IFT88: variants seen among roughly 807,000 people sequenced by gnomAD.
IFT88 encodes intraflagellar transport 88, also known as intraflagellar transport protein 88 homolog.
A neutral mutation model predicts 119.5 loss-of-function variants in IFT88; 74 were observed. That is an observed-to-expected ratio of 0.62 (90% CI 0.51 to 0.75). The LOEUF (loss-of-function observed/expected upper bound fraction) is 0.75. Among genes scored for constraint, IFT88 ranks in the 30% least tolerant of loss-of-function variants. The pLI, the probability that IFT88 is intolerant of heterozygous loss-of-function variation, is 0.00. For synonymous variants in IFT88, 279 were observed against 316.7 expected (o/e 0.88, Z 1.26); for missense variants, 961 against 977.7 (o/e 0.98, Z 0.23).
chr13:20,674,237 T>C (rs1390439532), intron 24 of IFT88, among the ~76,000 whole-genome samples: 1 of 152,234 alleles, frequency 6.6e-6, no homozygotes, highest in African/African-American at 2.4e-5. Context: ...TTTCAAAGTC[T>C]TAATAGTTAA....
intron 7 of IFT88, 90 bp downstream of exon 7, chr13:20,592,494 A>C: frequency 2.1e-6 from 2 of 939,466 alleles, no homozygotes; most frequent in Non-Finnish European, 3.2e-6. Context: ...TTTTGAGATG[A>C]TATCTCACTC....
chr13:20,642,698 C>T (rs2050131853), intron 18 of IFT88: 1 of 151,984 alleles, frequency 6.6e-6, no homozygotes, highest in Admixed American at 6.6e-5. Context: ...CTGCCAGTGT[C>T]ATTATCTTTT....
rs534004222 is a variant in IFT88, at chr13:20,586,594, G to A, written c.154-3217G>A. ...GGTACAAGATGAATGAGGGAAGAGAGTGTAGGAGCTGCCCAATGCTAACAA... is the reference window on the plus strand; with the variant it reads ...GGTACAAGATGAATGAGGGAAGAGAATGTAGGAGCTGCCCAATGCTAACAA... On this transcript the variant is annotated intron_variant, in intron 3 of 25. Coordinates refer to ENST00000351808, the MANE Select transcript of IFT88 (RefSeq NM_006531.5). Among the ~76,000 whole-genome samples, 8 of 152,254 alleles carry A rather than the reference G, an allele frequency of 5.3e-5. No homozygotes were observed. The South Asian group carries it at 1.7e-3, about 32-fold the overall frequency.
At chr13:20,569,676 A>G (rs1001201097) in intron 1 of IFT88, among the ~76,000 whole-genome samples, 1 of 151,952 alleles carries the variant, frequency 6.6e-6, no homozygotes, top group South Asian at 2.1e-4. Flanking sequence ...TCATTTATAT[A>G]ATGTTTAGTA....
chr13:20,669,424 A>ATTTT (rs34389525), intron 23 of IFT88, among the ~76,000 whole-genome samples: 1 of 143,012 alleles, frequency 7.0e-6, no homozygotes, highest in Non-Finnish European at 1.5e-5. Context: ...TATTTTCAGC[A>ATTTT]TTTTTTTTTT....
In IFT88 at chr13:20,663,553, A is replaced by G; in HGVS notation, c.2124A>G (p.Glu708=). The G allele has an allele frequency of 6.2e-7, 1 of 1,614,018 alleles. No individual in the cohort carries two copies. The highest frequency in any genetic ancestry group is 8.5e-7 in the Non-Finnish European group (1 of 1,179,954). ...CTDLGLKDAQ[E]YARKLKRLEK... ...ATCTTGGATTAAAAGATGCTCAAGA[A>G]TATGCCAGAAAACTGAAGAGGTTGG... The change falls in exon 23 of 26, where the codon GAA becomes GAG. Residue 708 remains glutamate, a synonymous_variant. Transcript: ENST00000351808.
chr13:20,592,600 G>C (rs1438606431), intron 7 of IFT88, among the ~76,000 whole-genome samples, 196 bp downstream of exon 7: 1 of 152,046 alleles, frequency 6.6e-6, no homozygotes, highest in Non-Finnish European at 1.5e-5. Flanking sequence ...CTCCTGAGTA[G>C]CTGGGATTAC....
intron 3 of IFT88, 94 bp from the exon 4 acceptor site, chr13:20,589,717 T>C (rs2040333530): frequency 1.8e-6 from 1 of 561,498 alleles, no homozygotes; most frequent in South Asian, 3.4e-5. Flanking sequence ...AAATATTTCT[T>C]TATTTATGAG....
chr13:20,643,658 A>C, intron 19 of IFT88, 53 bp downstream of exon 19: 5 of 1,298,534 alleles, frequency 3.9e-6, no homozygotes, highest in Non-Finnish European at 5.4e-6. Flanking sequence ...ATGAATTGTT[A>C]TAAAGAAGGC....
At chr13:20,635,341 T>C (rs1162935990) in intron 16 of IFT88, among the ~76,000 whole-genome samples, 1 of 152,164 alleles carries the variant, frequency 6.6e-6, no homozygotes, top group Non-Finnish European at 1.5e-5. Context: ...TGTCCCATCA[T>C]ACATGCAACA....
chr13:20,635,590 T>C (rs2048908458), intron 16 of IFT88, among the ~76,000 whole-genome samples: 1 of 152,216 alleles, frequency 6.6e-6, no homozygotes, highest in Non-Finnish European at 1.5e-5. Context: ...GAGAGCATCT[T>C]CCTTTTGTAT....
At chr13:20,579,951 A>G (rs891545510) in intron 2 of IFT88, among the ~76,000 whole-genome samples, 5 of 152,316 alleles carry the variant, frequency 3.3e-5, no homozygotes, top group East Asian at 1.9e-4. Context: ...TCATTCTCCC[A>G]ATTATAAAAT....
chr13:20,684,427 G>C (rs1175223654), intron 24 of IFT88, among the ~76,000 whole-genome samples: 1 of 152,106 alleles, frequency 6.6e-6, no homozygotes, highest in Non-Finnish European at 1.5e-5. Flanking sequence ...CATCTCTTCT[G>C]TTAGTTACTT....
chr13:20,637,048 G>C (rs909264784), intron 16 of IFT88, among the ~76,000 whole-genome samples: 6 of 152,196 alleles, frequency 3.9e-5, no homozygotes, highest in African/African-American at 1.4e-4. Flanking sequence ...AGACACAAAA[G>C]ACTGCATATT....
chr13:20,616,043 GTTA>G (rs1210093921), intron 14 of IFT88, among the ~76,000 whole-genome samples, 164 bp downstream of exon 14: 6 of 152,096 alleles, frequency 3.9e-5, no homozygotes, highest in African/African-American at 1.2e-4. Flanking sequence ...TATTATAAAA[GTTA>G]TTAATAAGAT....
At chr13:20,586,207 C>T (rs2039637044) in intron 3 of IFT88, among the ~76,000 whole-genome samples, 1 of 152,118 alleles carries the variant, frequency 6.6e-6, no homozygotes, top group African/African-American at 2.4e-5. Flanking sequence ...GTCATTTGAT[C>T]CTCTGTTGAA....
intron 2 of IFT88, among the ~76,000 whole-genome samples, chr13:20,580,058 A>G (rs2038240715): frequency 1.3e-5 from 2 of 152,172 alleles, no homozygotes; most frequent in East Asian, 1.9e-4. Context: ...TCTTTCCTTC[A>G]TGTATACATA....
intron 23 of IFT88, among the ~76,000 whole-genome samples, chr13:20,666,560 G>C (rs2054722084): frequency 1.3e-5 from 2 of 152,186 alleles, no homozygotes; most frequent in Admixed American, 1.3e-4. Flanking sequence ...ATAATAAAGA[G>C]TAGGTTTAAA....
chr13:20,574,707 C>T (rs2037038398), intron 2 of IFT88, among the ~76,000 whole-genome samples: 1 of 152,174 alleles, frequency 6.6e-6, no homozygotes, highest in South Asian at 2.1e-4. Context: ...ATTATATATA[C>T]TTGTATTCTT....
Sources: gnomAD v4.1 joint callset for allele counts (sites outside exome capture counted in the v4.1 genomes callset) on GRCh38, gnomAD v4.1.1 for gene constraint, MANE v1.5 for transcripts, NCBI Gene and HGNC (gene_info 2026-07-23, HGNC 2026-07-21) for gene names.